Variants in ZFPM2 observed in about 807,000 individuals in gnomAD.
The protein encoded by ZFPM2 is zinc finger protein ZFPM2.
ZFPM2 carries 20 observed loss-of-function variants against 98.6 expected under a neutral mutation model. The observed-to-expected ratio is 0.20, with a 90% CI of 0.14 to 0.29. The LOEUF (loss-of-function observed/expected upper bound fraction) is 0.29. Ranked by LOEUF, ZFPM2 falls within the 10% of genes least tolerant of loss-of-function variation. ZFPM2 has a pLI of 1.00. For synonymous variants in ZFPM2, 518 were observed against 502.7 expected (o/e 1.03, Z -0.41); for missense variants, 1,310 against 1,388.6 (o/e 0.94, Z 0.90).
Position 105,683,168 on chromosome 8 carries a change from G to T in ZFPM2, c.532+48811G>T, listed in dbSNP as rs1416176487. The stretch of plus-strand genomic sequence containing the variant: ...CCTACCTCCTAATACTATTACTTTG[G>T]GGGCTAGGATTTCAACATAAGAATT... On this transcript the variant is annotated intron_variant, in intron 5 of 7. Transcript: ENST00000407775. Among the ~76,000 whole-genome samples the T allele has an allele frequency of 4.6e-5, 7 of 151,870 alleles. No individual in the cohort carries two copies. The East Asian group carries it at 1.4e-3, about 29-fold the overall frequency.
Position 105,802,245 on chromosome 8 carries a change from T to G in ZFPM2, c.2163T>G (p.Ser721=). 1 of 1,613,920 alleles carries G rather than the reference T, an allele frequency of 6.2e-7. No homozygotes were observed. The highest frequency in any genetic ancestry group is 8.5e-7 in the Non-Finnish European group (1 of 1,179,860). The change falls in exon 8 of 8, where the codon TCT becomes TCG. Residue 721 remains serine (S), a synonymous_variant. Transcript: ENST00000407775. ...GCCACGACCCTCCACTGAAGAGGTC[T>G]GCTTCCAACAAAGTGCCTGCCATGC... ...ATRHDPPLKR[S]ASNKVPAMQR...
At chr8:105,633,541 A>G (rs945771003) in intron 4 of ZFPM2, among the ~76,000 whole-genome samples, 7 of 152,202 alleles carry the variant, frequency 4.6e-5, no homozygotes, top group Non-Finnish European at 8.8e-5. Context: ...TTTAACATGT[A>G]CACTAAAAAT....
chr8:105,656,299 A>G (rs987967380), intron 5 of ZFPM2, among the ~76,000 whole-genome samples: 3 of 152,148 alleles, frequency 2.0e-5, no homozygotes, highest in African/African-American at 7.2e-5. Flanking sequence ...AAACTATTGA[A>G]TTTTTTAGTG....
chr8:105,322,845 T>A (rs117403151), intron 1 of ZFPM2, among the ~76,000 whole-genome samples: 1 of 152,136 alleles, frequency 6.6e-6, no homozygotes, highest in African/African-American at 2.4e-5. Flanking sequence ...TCCATTCATA[T>A]TGAATAATTA....
At chr8:105,380,718 T>A (rs1302652018) in intron 1 of ZFPM2, among the ~76,000 whole-genome samples, 1 of 39,452 alleles carries the variant, frequency 2.5e-5, no homozygotes, top group Non-Finnish European at 3.9e-5. Flanking sequence ...TATATATATA[T>A]TATATATAAC....
chr8:105,441,835 C>T (rs1376941842), intron 2 of ZFPM2, among the ~76,000 whole-genome samples: 1 of 152,024 alleles, frequency 6.6e-6, no homozygotes, highest in South Asian at 2.1e-4. Context: ...TTGAGAGAAG[C>T]AGGAGGAGGC....
intron 1 of ZFPM2, among the ~76,000 whole-genome samples, chr8:105,345,043 G>C (rs372470350): frequency 1.2e-4 from 18 of 152,180 alleles, no homozygotes; most frequent in Admixed American, 6.5e-4. Flanking sequence ...TATGGCAAAG[G>C]TAAAAAGGCT....
intron 1 of ZFPM2, among the ~76,000 whole-genome samples, chr8:105,411,413 G>A (rs1264877347): frequency 1.3e-5 from 2 of 151,804 alleles, no homozygotes; most frequent in Admixed American, 1.3e-4. Context: ...TATCTTATAC[G>A]TTGTTGTTAT....
chr8:105,646,122 G>A (rs1817040124), intron 5 of ZFPM2, among the ~76,000 whole-genome samples: 1 of 150,252 alleles, frequency 6.7e-6, no homozygotes, highest in South Asian at 2.1e-4. Context: ...TTCTCTATGG[G>A]ACACGTGTTC....
At chr8:105,608,580 GTTTTTTTTTTTTTT>G (rs397978197) in intron 4 of ZFPM2, among the ~76,000 whole-genome samples, 1 of 108,748 alleles carries the variant, frequency 9.2e-6, no homozygotes, top group East Asian at 3.0e-4. Flanking sequence ...AACACCAAGA[GTTTTTTTTTTTTTT>G]TTTTTTTTTA....
intron 5 of ZFPM2, among the ~76,000 whole-genome samples, chr8:105,760,091 G>A (rs146707129): frequency 1.6e-3 from 239 of 152,050 alleles, no homozygotes; most frequent in African/African-American, 5.5e-3. Context: ...TTGGCCTGTG[G>A]TAATTGCTCA....
intron 1 of ZFPM2, among the ~76,000 whole-genome samples, chr8:105,382,026 T>C (rs2129882442): frequency 6.6e-6 from 1 of 152,222 alleles, no homozygotes; most frequent in South Asian, 2.1e-4. Context: ...CTAAAAACAA[T>C]ATATTCAAGA....
chr8:105,447,433 T>C (rs1320274510), intron 3 of ZFPM2, among the ~76,000 whole-genome samples: 3 of 152,054 alleles, frequency 2.0e-5, no homozygotes, highest in African/African-American at 7.2e-5. Flanking sequence ...GAAATGTCAG[T>C]GATCATTATT....
intron 4 of ZFPM2, among the ~76,000 whole-genome samples, chr8:105,604,593 A>C (rs138213899): frequency 4.6e-5 from 7 of 151,994 alleles, no homozygotes; most frequent in African/African-American, 1.7e-4. Flanking sequence ...CATCACGACC[A>C]CATTAGTCTC....
chr8:105,420,923 T>C (rs191210215), intron 2 of ZFPM2, among the ~76,000 whole-genome samples: 8 of 152,172 alleles, frequency 5.3e-5, no homozygotes, highest in South Asian at 2.1e-4. Flanking sequence ...GTATGATAGG[T>C]ACTACTGTAT....
intron 4 of ZFPM2, among the ~76,000 whole-genome samples, chr8:105,604,222 C>T (rs1421638249): frequency 6.6e-6 from 1 of 151,962 alleles, no homozygotes. Flanking sequence ...GGGAGTTAGC[C>T]TTAATTCCTC....
chr8:105,688,794 C>T (rs1041494687), intron 5 of ZFPM2, among the ~76,000 whole-genome samples: 1 of 152,144 alleles, frequency 6.6e-6, no homozygotes, highest in African/African-American at 2.4e-5. Context: ...ATACATTACA[C>T]TCTTCTCATT....
At chr8:105,513,997 G>T (rs1015491193) in intron 3 of ZFPM2, among the ~76,000 whole-genome samples, 3 of 131,818 alleles carry the variant, frequency 2.3e-5, no homozygotes, top group African/African-American at 3.6e-5. Context: ...AGTAGGTCCG[G>T]AGTGTCTTTT....
intron 3 of ZFPM2, among the ~76,000 whole-genome samples, chr8:105,508,611 G>T (rs539762300): frequency 6.6e-6 from 1 of 152,122 alleles, no homozygotes; most frequent in Admixed American, 6.5e-5. Flanking sequence ...GGCTGCTATT[G>T]TGAGCTGAGA....
Sources: allele counts gnomAD v4.1 joint callset (sites outside exome capture counted in the v4.1 genomes callset), GRCh38; gene constraint gnomAD v4.1.1; transcripts MANE v1.5; gene names NCBI Gene and HGNC (gene_info 2026-07-23, HGNC 2026-07-21).